The following XDH variants were observed in gnomAD, a reference collection of about 807,000 sequenced individuals.
The protein encoded by XDH is xanthine dehydrogenase.
In XDH, 138 loss-of-function variants were observed where a neutral mutation model predicts 156.1. The ratio of observed to expected loss-of-function variants is 0.88; its 90% CI spans 0.77 to 1.02. The LOEUF is 1.02. XDH is among the 50% of genes least tolerant of loss of function. XDH has a pLI of 0.00. For synonymous variants in XDH, 669 were observed against 625.7 expected, an observed-to-expected ratio of 1.07 and a Z score of -1.03; for missense variants, 1,849 against 1,684.9, an observed-to-expected ratio of 1.10 and a Z score of -1.71.
At chr2:31,389,733 A>AT (rs1485890426) in intron 6 of XDH, 1 of 152,196 alleles carries the variant, frequency 6.6e-6, no homozygotes, top group Non-Finnish European at 1.5e-5. Context: ...ACAGTAATGC[A>AT]TCACTGCCCT....
At chr2:31,387,078 C>T (rs1686630423) in intron 8 of XDH, among the ~76,000 whole-genome samples, 2 of 152,156 alleles carry the variant, frequency 1.3e-5, no homozygotes, top group East Asian at 1.9e-4. Context: ...GGAAGGCTGG[C>T]TTTAGTGCTT....
chr2:31,407,221 A>G (rs1687217042), intron 1 of XDH, among the ~76,000 whole-genome samples: 1 of 152,158 alleles, frequency 6.6e-6, no homozygotes, highest in Non-Finnish European at 1.5e-5. Context: ...CCTTTGCAGC[A>G]TAGGGGAAGA....
At position 31,344,730 on chromosome 2, in the gene XDH, C is replaced by T. The variant is rs763585787; in HGVS notation, c.3358G>A (p.Ala1120Thr). Residue 1120 changes from alanine (A) to threonine (T), a missense_variant, in exon 31 of 36, where the codon GCT (alanine) becomes ACT (threonine). Transcript: ENST00000379416. The part of the protein sequence containing the change: ...PSGSWEDWVT[A>T]AYMDTVSLSA... ...AAGCTCACTGTGTCCATGTAGGCAGCTGTGACCTGAGGAGAGGAGATGGCC... is the reference window on the plus strand; with the variant it reads ...AAGCTCACTGTGTCCATGTAGGCAGTTGTGACCTGAGGAGAGGAGATGGCC... 27 of 1,614,042 alleles carry T rather than the reference C, an allele frequency of 1.7e-5. No homozygotes were observed. In the South Asian group the frequency reaches 2.9e-4, roughly 17 times the overall value.
At chr2:31,346,696 G>A (rs1358002291) in intron 30 of XDH, 73 bp downstream of exon 30, 40 of 1,562,540 alleles carry the variant, frequency 2.6e-5, no homozygotes, top group Admixed American at 5.0e-5. Context: ...TTACTTGTTC[G>A]GATTCGGAAC....
chr2:31,348,363 C>A lies in XDH; in HGVS notation c.3052G>T (p.Ala1018Ser), dbSNP rs1685360833. The change falls in exon 28 of 36, where the codon GCA becomes TCA. Residue 1018 changes from alanine (A) to serine (S), a missense_variant and splice_region_variant. By Grantham distance (99) the Ala-to-Ser change is moderately conservative. Transcript: ENST00000379416. ...GTGTACACATGAAGTAGGGCTCCTG[C>A]CTAGGGAAAGAGAAGGATGCCAGAC... The part of the protein sequence containing the change: ...ISFTVPFLNQ[A>S]GALLHVYTDG... 1 of 1,613,934 alleles carries A rather than the reference C, an allele frequency of 6.2e-7. No homozygotes were observed. The highest frequency in any genetic ancestry group is 8.5e-7 in the Non-Finnish European group (1 of 1,179,972).
intron 3 of XDH, among the ~76,000 whole-genome samples, chr2:31,402,528 A>AG (rs1687088442): frequency 6.6e-6 from 1 of 152,118 alleles, no homozygotes; most frequent in Non-Finnish European, 1.5e-5. Context: ...GGCTTCCTGG[A>AG]GGGGGTGATA....
chr2:31,364,556 C>A (rs1474440466), intron 23 of XDH, among the ~76,000 whole-genome samples: 3 of 151,952 alleles, frequency 2.0e-5, no homozygotes, highest in African/African-American at 4.8e-5. Flanking sequence ...AAAGAGAAGG[C>A]TGGTCACGAT....
At chr2:31,347,098 G>A (rs1685318865) in intron 29 of XDH, among the ~76,000 whole-genome samples, 1 of 152,184 alleles carries the variant, frequency 6.6e-6, no homozygotes, top group Admixed American at 6.5e-5. Flanking sequence ...AGGGCGAAAT[G>A]TTTGAGGGAT....
At chr2:31,405,020 C>T (rs998243840) in intron 2 of XDH, among the ~76,000 whole-genome samples, 16 of 152,316 alleles carry the variant, frequency 1.1e-4, no homozygotes, top group Non-Finnish European at 1.6e-4. Flanking sequence ...TGCTCACAGG[C>T]CCCCTGGAGA....
intron 9 of XDH, among the ~76,000 whole-genome samples, chr2:31,385,416 C>G (rs1686561593): frequency 6.6e-6 from 1 of 152,142 alleles, no homozygotes; most frequent in Non-Finnish European, 1.5e-5. Context: ...CATTCTGACT[C>G]CATCAGCACT....
intron 12 of XDH, 34 bp from the exon 13 acceptor site, chr2:31,380,010 G>A: frequency 6.2e-7 from 1 of 1,605,746 alleles, no homozygotes; most frequent in East Asian, 2.2e-5. Flanking sequence ...GAGCCAAAGT[G>A]AGGGAAAGGC....
chr2:31,377,357 G>A, intron 13 of XDH, 120 bp from the exon 14 acceptor site: 2 of 1,070,098 alleles, frequency 1.9e-6, no homozygotes, highest in Non-Finnish European at 2.8e-6. Context: ...ACATCAGTGG[G>A]TGAACTGGCC....
chr2:31,403,266 CCAAGGAAGGCAG>C, intron 2 of XDH, 122 bp from the exon 3 acceptor site: 1 of 1,059,544 alleles, frequency 9.4e-7, no homozygotes, highest in Non-Finnish European at 1.4e-6. Flanking sequence ...GGCCCCTCAA[CCAAGGAAGGCAG>C]CAGGCCCACT....
At chr2:31,402,879 A>T (rs1687098601) in intron 3 of XDH, among the ~76,000 whole-genome samples, 169 bp downstream of exon 3, 1 of 152,194 alleles carries the variant, frequency 6.6e-6, no homozygotes, top group Non-Finnish European at 1.5e-5. Flanking sequence ...AGCCTAGAAG[A>T]TACTTGCTAA....
intron 14 of XDH, among the ~76,000 whole-genome samples, chr2:31,376,249 G>A (rs1468622741): frequency 1.3e-5 from 2 of 150,904 alleles, no homozygotes; most frequent in East Asian, 3.9e-4. Flanking sequence ...AAGATAGATA[G>A]TAGTAGTAGA....
intron 13 of XDH, among the ~76,000 whole-genome samples, chr2:31,378,175 GAAGCAAGCAAGC>G (rs150555652): frequency 0.091 from 6,286 of 68,800 alleles, 602 homozygotes; most frequent in South Asian, 0.11. Flanking sequence ...AGGAAGGAAG[GAAGCAAGCAAGC>G]AAGCAAAGCA....
chr2:31,366,749 C>T (rs1685924118), intron 21 of XDH, 121 bp downstream of exon 21: 3 of 1,512,002 alleles, frequency 2.0e-6, no homozygotes, highest in African/African-American at 2.7e-5. Context: ...GACTATGACA[C>T]TCGAGTACCC....
At chr2:31,356,033 A>G (rs1685614159) in intron 24 of XDH, among the ~76,000 whole-genome samples, 1 of 152,218 alleles carries the variant, frequency 6.6e-6, no homozygotes, top group African/African-American at 2.4e-5. Context: ...AGAGAGAAGG[A>G]GATTACATAA....
rs1215354981 is a variant in XDH at position 31,387,901 on chromosome 2, T to C, written c.565-4A>G. ...ATAAAGATGGCGAGAGGCTGACCTA[T>C]GGGGAAAGAGAACAGGTAGGTGATG... On this transcript the variant is annotated splice_polypyrimidine_tract_variant and splice_region_variant and intron_variant, in intron 7 of 35. Transcript: ENST00000379416. 2 of 1,575,846 alleles carry C rather than the reference T, an allele frequency of 1.3e-6. No homozygotes were observed. The highest frequency in any genetic ancestry group is 1.2e-5 in the South Asian group (1 of 85,674).
Sources: allele counts gnomAD v4.1 joint callset (sites outside exome capture counted in the v4.1 genomes callset), GRCh38; gene constraint gnomAD v4.1.1; transcripts MANE v1.5; gene names NCBI Gene and HGNC (gene_info 2026-07-23, HGNC 2026-07-21).